APBB2: variants seen among roughly 807,000 people sequenced by gnomAD.
APBB2 encodes the protein amyloid beta precursor protein binding family B member 2, also known as Fe65-like 1.
Under a neutral mutation model 82.5 loss-of-function variants are expected in APBB2, and 38 were observed. The ratio of observed to expected loss-of-function variants is 0.46; its 90% CI spans 0.36 to 0.60. The LOEUF (loss-of-function observed/expected upper bound fraction) is 0.60. Among genes scored for constraint, APBB2 ranks in the 20% least tolerant of loss-of-function variants. APBB2 has a pLI of 0.00. For synonymous variants in APBB2, 341 were observed against 368.2 expected (o/e 0.93, Z 0.85); for missense variants, 772 against 972.3 (o/e 0.79, Z 2.74).
At position 41,026,402 on chromosome 4, in the gene APBB2, A is replaced by G. The variant is rs570355749; in HGVS notation, c.19+6834T>C. ...AGTACACAATTCAGTGCTATTTAGT[A>G]TACTCACAGAGTTGTGCATCCAATA... On this transcript the variant is annotated intron_variant, in intron 5 of 17. Coordinates refer to ENST00000508593, the MANE Select transcript of APBB2 (RefSeq NM_004307.2). 8.5e-5 allele frequency among the ~76,000 whole-genome samples: 13 copies of G among 152,348 alleles called. No individual in the cohort carries two copies. The South Asian group carries it at 2.3e-3, about 27-fold the overall frequency.
intron 1 of APBB2, among the ~76,000 whole-genome samples, chr4:41,183,646 G>A (rs1484812623): frequency 2.0e-5 from 3 of 151,872 alleles, no homozygotes; most frequent in Non-Finnish European, 4.4e-5. Flanking sequence ...AGGAGAGAGG[G>A]ATGGAACAGA....
intron 12 of APBB2, among the ~76,000 whole-genome samples, chr4:40,853,627 T>C (rs1560706991): frequency 6.6e-6 from 1 of 152,012 alleles, no homozygotes; most frequent in Non-Finnish European, 1.5e-5. Context: ...TTTTTTTTTT[T>C]TGTATTTTTA....
chr4:41,129,586 C>G (rs1184150879), intron 2 of APBB2, among the ~76,000 whole-genome samples: 1 of 152,180 alleles, frequency 6.6e-6, no homozygotes. Flanking sequence ...ACCATGTGCG[C>G]TGGGGCAGGG....
intron 6 of APBB2, among the ~76,000 whole-genome samples, chr4:40,964,049 G>A (rs1417686714): frequency 6.6e-6 from 1 of 152,074 alleles, no homozygotes; most frequent in Non-Finnish European, 1.5e-5. Context: ...AATTTTCCAT[G>A]GGCTTTCTTT....
rs927241275 is a variant in APBB2 at position 41,096,341 on chromosome 4, A to G, written c.-149+4298T>C. On this transcript the variant is annotated intron_variant, in intron 3 of 17. Coordinates refer to ENST00000508593, the MANE Select transcript of APBB2 (RefSeq NM_004307.2). Reference sequence around the variant, plus strand: ...CAAGTTACTTTTCCCCCGAGTTTCAATAACGCCCACCCCTAGAATTCCTGT... The same window carrying G: ...CAAGTTACTTTTCCCCCGAGTTTCAGTAACGCCCACCCCTAGAATTCCTGT... Among the ~76,000 whole-genome samples the G allele has an allele frequency of 2.0e-5, 3 of 152,224 alleles. No individual in the cohort carries two copies. In the South Asian group the frequency reaches 6.2e-4, roughly 32 times the overall value.
chr4:41,033,412 C>T (rs1717821168), intron 4 of APBB2, 108 bp from the exon 5 acceptor site: 2 of 648,948 alleles, frequency 3.1e-6, no homozygotes, highest in African/African-American at 1.9e-5. Flanking sequence ...ATATACCAAA[C>T]AAATTTTGGC....
chr4:40,865,975 C>A lies in APBB2; in HGVS notation c.1529+24389G>T, dbSNP rs140411433. ...GCAATGCCAACTGCTGGTGAGGATGCGGAGCAACTGAACTTTCTTACTTTG... is the reference window on the plus strand; with the variant it reads ...GCAATGCCAACTGCTGGTGAGGATGAGGAGCAACTGAACTTTCTTACTTTG... On this transcript the variant is annotated intron_variant, in intron 12 of 17. Transcript: ENST00000508593. Among the ~76,000 whole-genome samples the A allele has an allele frequency of 2.0e-5, 3 of 152,296 alleles. No individual in the cohort carries two copies. In the East Asian group the frequency reaches 5.8e-4, roughly 29 times the overall value.
At chr4:41,090,283 T>A (rs1364636808) in intron 3 of APBB2, among the ~76,000 whole-genome samples, 1 of 151,974 alleles carries the variant, frequency 6.6e-6, no homozygotes, top group Non-Finnish European at 1.5e-5. Context: ...ACCACTGCAA[T>A]GGAAACACTG....
intron 1 of APBB2, among the ~76,000 whole-genome samples, chr4:41,160,822 A>G (rs1764956623): frequency 6.6e-6 from 1 of 152,186 alleles, no homozygotes; most frequent in Admixed American, 6.5e-5. Context: ...AAATCAAACT[A>G]ATAAAGCCAA....
intron 10 of APBB2, among the ~76,000 whole-genome samples, chr4:40,925,193 T>G (rs1024408611): frequency 2.0e-5 from 3 of 152,204 alleles, no homozygotes; most frequent in African/African-American, 7.2e-5. Flanking sequence ...CTCCATTACT[T>G]GAAGGCAGGG....
intron 6 of APBB2, among the ~76,000 whole-genome samples, chr4:40,947,869 G>T (rs1578660937): frequency 1.3e-5 from 2 of 152,276 alleles, no homozygotes; most frequent in East Asian, 3.9e-4. Flanking sequence ...GAGATGGGAG[G>T]GAGGGAGAGA....
intron 12 of APBB2, among the ~76,000 whole-genome samples, chr4:40,867,465 G>A (rs568340026): frequency 2.0e-5 from 3 of 152,194 alleles, no homozygotes; most frequent in East Asian, 3.9e-4. Context: ...AGGCTCAGAG[G>A]GAATGAGTGA....
rs758137290 is a variant in APBB2, at chr4:41,014,053, A to C, written c.365T>G (p.Leu122Arg). 6.2e-7 allele frequency: 1 copy of C among 1,614,120 alleles called. No individual in the cohort carries two copies. Among genetic ancestry groups the C allele is most frequent in the Admixed American group, 1.7e-5 (1 of 60,014 alleles). Reference protein sequence around the residue: ...EQGQQDPNKNLSPTAVINITS... With the variant: ...EQGQQDPNKNRSPTAVINITS... ...TATGTTGATGACTGCAGTGGGGCTCAGGTTTTTGTTGGGGTCCTGCTGCCC... is the reference window on the plus strand; with the variant it reads ...TATGTTGATGACTGCAGTGGGGCTCCGGTTTTTGTTGGGGTCCTGCTGCCC... Residue 122 changes from leucine to arginine, a missense_variant, in exon 6 of 18, where the codon CTG (leucine) becomes CGG (arginine). By Grantham distance (102) the Leu-to-Arg change is moderately radical (BLOSUM62 -2). Coordinates refer to ENST00000508593, the MANE Select transcript of APBB2 (RefSeq NM_004307.2).
chr4:41,079,546 T>C (rs996435620), intron 3 of APBB2, among the ~76,000 whole-genome samples: 18 of 144,004 alleles, frequency 1.2e-4, no homozygotes, highest in African/African-American at 4.8e-4. Context: ...GGTAGGCTCA[T>C]CAATTTTTTT....
chr4:41,191,159 G>A (rs1164756651), intron 1 of APBB2, among the ~76,000 whole-genome samples: 1 of 152,194 alleles, frequency 6.6e-6, no homozygotes, highest in Non-Finnish European at 1.5e-5. Flanking sequence ...TTCACTCATG[G>A]GACCAGAGGA....
chr4:41,024,222 T>C (rs1259949536), intron 5 of APBB2, among the ~76,000 whole-genome samples: 1 of 152,050 alleles, frequency 6.6e-6, no homozygotes, highest in Non-Finnish European at 1.5e-5. Flanking sequence ...CCCCAAACTA[T>C]AAAAAGCCTG....
chr4:41,108,115 A>T (rs955916754), intron 2 of APBB2, among the ~76,000 whole-genome samples: 3 of 152,230 alleles, frequency 2.0e-5, no homozygotes, highest in East Asian at 3.8e-4. Flanking sequence ...TTCAGCAAAC[A>T]TGTTTTAAGT....
chr4:40,856,051 C>T (rs1761093256), intron 12 of APBB2, among the ~76,000 whole-genome samples: 1 of 151,834 alleles, frequency 6.6e-6, no homozygotes, highest in African/African-American at 2.4e-5. Flanking sequence ...TGTGTAAGAG[C>T]TCGGCTGGAG....
rs756196657 is a variant in APBB2 at position 40,890,513 on chromosome 4, C to T, written c.1402-22G>A. ...TCCCCTGGGACACAACGAGAAAACACGCTGTCTTCTTCATGCAGGCTGGAA... is the reference window on the plus strand; with the variant it reads ...TCCCCTGGGACACAACGAGAAAACATGCTGTCTTCTTCATGCAGGCTGGAA... On this transcript the variant is annotated intron_variant, in intron 11 of 17. Coordinates refer to ENST00000508593, the MANE Select transcript of APBB2 (RefSeq NM_004307.2). 1.1e-5 allele frequency: 18 copies of T among 1,612,658 alleles called. No homozygotes were observed. The Admixed American group carries it at 2.3e-4, about 21-fold the overall frequency.
Sources: gnomAD v4.1 joint callset for allele counts (sites outside exome capture counted in the v4.1 genomes callset) on GRCh38, gnomAD v4.1.1 for gene constraint, MANE v1.5 for transcripts, NCBI Gene and HGNC (gene_info 2026-07-23, HGNC 2026-07-21) for gene names.